Variants in MAMSTR observed in about 807,000 individuals in gnomAD.
MAMSTR encodes MEF2 activating motif and SAP domain containing transcriptional regulator.
Under a neutral mutation model 42.7 loss-of-function variants are expected in MAMSTR, and 41 were observed. That is an observed-to-expected ratio of 0.96 (90% CI 0.75 to 1.25). MAMSTR has a LOEUF of 1.25. Among genes scored for constraint, MAMSTR ranks in the 50% most tolerant of loss-of-function variants. MAMSTR has a pLI of 0.00. For synonymous variants in MAMSTR, 265 were observed against 244.1 expected (o/e 1.09, Z -0.80); for missense variants, 567 against 557.6 (o/e 1.02, Z -0.17).
rs1207844589 is a variant in MAMSTR at position 48,713,212 on chromosome 19, A to G, written c.*55T>C. 2.2e-5 allele frequency: 33 copies of G among 1,494,832 alleles called. No homozygotes were observed. The highest frequency in any genetic ancestry group is 2.9e-5 in the Non-Finnish European group (32 of 1,117,904). The allele number at this position is 1,494,832 out of a possible 1,614,324, so 92.6% of individuals were successfully genotyped here. A position where few individuals can be genotyped will look rare whatever the true frequency, so the allele number is the denominator to read the frequency against. On this transcript the variant is annotated 3_prime_UTR_variant, in exon 10 of 10. Transcript: ENST00000318083. ...TGCTGGTAGTTCCCTCTCCTCCCACAAGGAGCTTCTCTCCACCCCCATCAG... is the reference window on the plus strand; with the variant it reads ...TGCTGGTAGTTCCCTCTCCTCCCACGAGGAGCTTCTCTCCACCCCCATCAG...
At chr19:48,710,659 C>G (rs1297842157), downstream of MAMSTR, among the ~76,000 whole-genome samples, 1 of 148,566 alleles carries the variant, frequency 6.7e-6, no homozygotes, top group Non-Finnish European at 1.5e-5. Flanking sequence ...TGCAGTGGCG[C>G]GATCTTGGCT....
At position 48,714,903 on chromosome 19, in the gene MAMSTR, T is replaced by G; in HGVS notation, c.431A>C (p.Lys144Thr). 1 of 1,597,754 alleles carries G rather than the reference T, an allele frequency of 6.3e-7. No individual in the cohort carries two copies. The highest frequency in any genetic ancestry group is 2.2e-5 in the East Asian group (1 of 44,754). ...TDSQQPHPRM[K>T]PSPLTPCPPG... The stretch of plus-strand genomic sequence containing the variant: ...TGGGCAGGGAGTGAGGGGAGAGGGC[T>G]TCATCCTGGTGATAATCGTGAGGGG... The change falls in exon 6 of 10, where the codon AAG becomes ACG. Residue 144 changes from lysine (K) to threonine (T), a missense_variant. By Grantham distance (78) the Lys-to-Thr change is moderately conservative. Transcript: ENST00000318083.
intron 5 of MAMSTR, 105 bp downstream of exon 5, chr19:48,715,157 A>T: frequency 1.0e-6 from 1 of 973,666 alleles, no homozygotes; most frequent in Non-Finnish European, 1.6e-6. Context: ...GGGAGAAGAG[A>T]GGGTTGGGGG....
chr19:48,718,380 C>CTTTTTTT (rs796615883), intron 2 of MAMSTR, among the ~76,000 whole-genome samples: 16 of 95,152 alleles, frequency 1.7e-4, no homozygotes, highest in Non-Finnish European at 2.4e-4. Context: ...TTGCACACTT[C>CTTTTTTT]TTTTTTTTTT....
At chr19:48,715,999 G>C in intron 3 of MAMSTR, 1 of 1,317,340 alleles carries the variant, frequency 7.6e-7, no homozygotes, top group Non-Finnish European at 9.7e-7. Flanking sequence ...GGGTGTGGTA[G>C]CTGAGGATCA....
At position 48,714,551 on chromosome 19, in the gene MAMSTR, G is replaced by A; in HGVS notation, c.538C>T (p.Leu180Phe). ...LKLEELTVSELRQQLRLRGLP... is the reference protein window; with the variant it reads ...LKLEELTVSEFRQQLRLRGLP... ...CCCCGCAGGCGCAGCTGCTGCCGGA[G>A]CTCTGAGACCTGGGGAGGGGCGGGG... The change falls in exon 7 of 10, where the codon CTC becomes TTC. Residue 180 changes from leucine to phenylalanine, a missense_variant. Coordinates refer to ENST00000318083, the MANE Select transcript of MAMSTR (RefSeq NM_001130915.2). The A allele has an allele frequency of 6.8e-7, 1 of 1,461,904 alleles. No homozygotes were observed. Among genetic ancestry groups the A allele is most frequent in the South Asian group, 1.4e-5 (1 of 69,894 alleles). The allele number at this position is 1,461,904 out of a possible 1,614,324, so 90.6% of individuals were successfully genotyped here.
rs1387860350 is a variant in MAMSTR, at chr19:48,713,448, G to C, written c.1067C>G (p.Pro356Arg). The C allele has an allele frequency of 6.2e-7, 1 of 1,612,866 alleles. No individual in the cohort carries two copies. The highest frequency in any genetic ancestry group is 1.7e-5 in the Admixed American group (1 of 59,710). The change falls in exon 10 of 10, where the codon CCG (proline) becomes CGG (arginine). Residue 356 changes from proline (P) to arginine (R), a missense_variant. Coordinates refer to ENST00000318083, the MANE Select transcript of MAMSTR (RefSeq NM_001130915.2). ...GLSSVFSSSLPSPTNSSSPSP... is the reference protein window; with the variant it reads ...GLSSVFSSSLRSPTNSSSPSP... The stretch of plus-strand genomic sequence containing the variant: ...AGGGGAGGAGGAGTTCGTGGGAGAC[G>C]GGAGTGAAGAGGAGAAAACAGATGA...
chr19:48,708,727 G>A (rs1048345065), downstream of MAMSTR, among the ~76,000 whole-genome samples: 3 of 152,186 alleles, frequency 2.0e-5, no homozygotes, highest in African/African-American at 7.2e-5. Flanking sequence ...GCGAGATGCG[G>A]AAGGTGCAAT....
downstream of MAMSTR, among the ~76,000 whole-genome samples, chr19:48,708,886 G>A (rs944756898): frequency 1.3e-5 from 2 of 152,124 alleles, no homozygotes; most frequent in Non-Finnish European, 2.9e-5. Flanking sequence ...AGAACAGCCA[G>A]AGGGCAAATC....
downstream of MAMSTR, among the ~76,000 whole-genome samples, chr19:48,709,041 G>A (rs147190257): frequency 0.02 from 3,039 of 152,182 alleles, 91 homozygotes; most frequent in African/African-American, 0.067. Flanking sequence ...TGTAATCCCT[G>A]CACTTTGGGA....
chr19:48,716,837 G>C (rs1405305321), intron 2 of MAMSTR, 94 bp from the exon 3 acceptor site: 11 of 1,255,490 alleles, frequency 8.8e-6, no homozygotes, highest in Non-Finnish European at 1.1e-5. Context: ...AGTTGTTGGC[G>C]GGATATGCGT....
chr19:48,715,499 C>G, intron 4 of MAMSTR, 53 bp from the exon 5 acceptor site: 1 of 1,464,352 alleles, frequency 6.8e-7, no homozygotes, highest in Non-Finnish European at 9.0e-7. Context: ...CACCTTCCGG[C>G]CCCAGGACTA....
rs2032767941 is a variant in MAMSTR at position 48,712,869 on chromosome 19, C to A, written c.*398G>T. ...CAGGGAGGTCAGGGTCCGGCTCCCCCATTCTCCCTCTCCACTCTTTCTTGC... is the reference window on the plus strand; with the variant it reads ...CAGGGAGGTCAGGGTCCGGCTCCCCAATTCTCCCTCTCCACTCTTTCTTGC... On this transcript the variant is annotated 3_prime_UTR_variant, in exon 10 of 10. Transcript: ENST00000318083. The A allele has an allele frequency of 5.9e-6, 1 of 168,550 alleles. No homozygotes were observed. The highest frequency in any genetic ancestry group is 1.3e-5 in the Non-Finnish European group (1 of 79,492). The allele number at this position is 168,550 out of a possible 1,614,324, so 10.4% of individuals were successfully genotyped here.
downstream of MAMSTR, among the ~76,000 whole-genome samples, chr19:48,708,171 T>A (rs1360822601): frequency 6.8e-6 from 1 of 147,906 alleles, no homozygotes; most frequent in Non-Finnish European, 1.5e-5. Flanking sequence ...GAGGCAGAGG[T>A]TGCGGTGAGC....
chr19:48,719,042 G>T lies in MAMSTR; in HGVS notation c.-11C>A, dbSNP rs752969236. 127 of 1,550,732 alleles carry T rather than the reference G, an allele frequency of 8.2e-5. No individual in the cohort carries two copies. Among genetic ancestry groups the T allele is most frequent in the Non-Finnish European group, 1.1e-4 (125 of 1,146,754 alleles). On this transcript the variant is annotated 5_prime_UTR_variant, in exon 2 of 10. Coordinates refer to ENST00000318083, the MANE Select transcript of MAMSTR (RefSeq NM_001130915.2). The surrounding 1 kb of genome is among the most constrained non-coding windows in gnomAD (Gnocchi z 4.4). ...AGCCGCCAGGGTCATTGCCAAGGCCGGGATGGGGACCTGGACGGAGAGGGG... is the reference window on the plus strand; with the variant it reads ...AGCCGCCAGGGTCATTGCCAAGGCCTGGATGGGGACCTGGACGGAGAGGGG...
intron 3 of MAMSTR, chr19:48,716,035 AG>A: frequency 9.2e-7 from 1 of 1,089,814 alleles, no homozygotes; most frequent in Non-Finnish European, 1.2e-6. Flanking sequence ...TTGCTAGGAC[AG>A]GGGTGGGGCC....
chr19:48,716,090 T>C (rs2033013485), intron 3 of MAMSTR, among the ~76,000 whole-genome samples: 1 of 152,060 alleles, frequency 6.6e-6, no homozygotes, highest in African/African-American at 2.4e-5. Context: ...GAAAGCTACA[T>C]CCAGGCCGGC....
rs2122300618 is a variant in MAMSTR, at chr19:48,714,441, G to C, written c.648C>G (p.Arg216=). The change falls in exon 7 of 10, where the codon CGC becomes CGG. Residue 216 remains arginine (R), a synonymous_variant. Coordinates refer to ENST00000318083, the MANE Select transcript of MAMSTR (RefSeq NM_001130915.2). ...AGGGAGCACCCGCGGGACTGTCCTC[G>C]CGCCGCGGCTTCGGCCGCTCGCGGG... ...APPRERPKPR[R]EDSPAGAPWP... 1.5e-6 allele frequency: 2 copies of C among 1,366,458 alleles called. No individual in the cohort carries two copies. Among genetic ancestry groups the C allele is most frequent in the East Asian group, 6.0e-5 (2 of 33,290 alleles). 84.6% of individuals were successfully genotyped at this position (1,366,458 alleles called of 1,614,324 possible). A position where few individuals can be genotyped will look rare whatever the true frequency, so the allele number is the denominator to read the frequency against.
downstream of MAMSTR, among the ~76,000 whole-genome samples, chr19:48,710,506 C>T (rs1400746068): frequency 6.8e-6 from 1 of 146,596 alleles, no homozygotes; most frequent in African/African-American, 2.6e-5. Context: ...ACTGCAACCT[C>T]AAACTTCAAA....
Sources: allele counts gnomAD v4.1 joint callset (sites outside exome capture counted in the v4.1 genomes callset), GRCh38; gene constraint gnomAD v4.1.1; non-coding constraint Gnocchi (gnomAD v3.1); transcripts MANE v1.5; gene names NCBI Gene and HGNC (gene_info 2026-07-23, HGNC 2026-07-21).